Variants in BRD2 observed in about 807,000 individuals in gnomAD.
BRD2 encodes bromodomain containing 2.
In BRD2, 15 loss-of-function variants were observed where a neutral mutation model predicts 79.1. That is an observed-to-expected ratio of 0.19 (90% CI 0.13 to 0.29). The LOEUF (loss-of-function observed/expected upper bound fraction) is 0.29, where lower values mean the gene tolerates loss of function less well. BRD2 is among the 10% of genes least tolerant of loss of function. BRD2 has a pLI of 1.00. For missense variants in BRD2, 1,053 were observed against 991.3 expected (o/e 1.06, Z -0.84); for synonymous variants, 488 against 358.6 (o/e 1.36, Z -4.08).
At chr6:32,975,994 T>A in intron 4 of BRD2, 37 bp from the exon 5 acceptor site, 2 of 1,571,764 alleles carry the variant, frequency 1.3e-6, no homozygotes, top group East Asian at 2.2e-5. Context: ...CTGTTGGCAT[T>A]TTTTAACTTT....
Position 32,972,633 on chromosome 6 carries a change from C to T in BRD2, c.-266C>T, listed in dbSNP as rs990321224. 36 of 591,024 alleles carry T rather than the reference C, an allele frequency of 6.1e-5. No homozygotes were observed. The Admixed American group carries it at 6.3e-4, about 10-fold the overall frequency. 36.6% of individuals were successfully genotyped at this position (591,024 alleles called of 1,614,324 possible). On this transcript the variant is annotated 5_prime_UTR_variant, in exon 2 of 13. Coordinates refer to ENST00000374825, the MANE Select transcript of BRD2 (RefSeq NM_005104.4). ...GGGGACCGTCTTTTGAAGAGTCAGT[C>T]CCTCCTTAGTTGCCCGCCTCAGCTG...
rs201469274 is a variant in BRD2 at position 32,978,030 on chromosome 6, T to C, written c.1578+25T>C. 1.9e-6 allele frequency: 3 copies of C among 1,606,806 alleles called. No homozygotes were observed. The Admixed American group carries it at 5.0e-5, about 27-fold the overall frequency. On this transcript the variant is annotated intron_variant, in intron 9 of 12. Transcript: ENST00000374825. ...GGTATTTTGTCACTCTTGAAAGTTT[T>C]TATTGGGTAAGAGGTTCATGCCCTT...
In BRD2 at chr6:32,977,528, T is replaced by C. The variant is rs1360464913; in HGVS notation, c.1287T>C (p.Asn429=). ...TGTTCTCCAACTGCTATAAGTACAA[T>C]CCCCCAGATCACGATGTTGTGGCAA... ...RLMFSNCYKY[N]PPDHDVVAMA... Residue 429 remains asparagine (N), a synonymous_variant, in exon 8 of 13, where the codon AAT becomes AAC. Transcript: ENST00000374825. 6.2e-7 allele frequency: 1 copy of C among 1,613,746 alleles called. No individual in the cohort carries two copies.
chr6:32,972,628 TC>T lies in BRD2; in HGVS notation c.-270del. 1.7e-6 allele frequency: 1 copy of T among 580,918 alleles called. No homozygotes were observed. The highest frequency in any genetic ancestry group is 3.1e-5 in the Admixed American group (1 of 32,590). The allele number at this position is 580,918 out of a possible 1,614,324, so 36.0% of individuals were successfully genotyped here. On this transcript the variant is annotated 5_prime_UTR_variant, in exon 2 of 13. Transcript: ENST00000374825. ...AGATCGGGGACCGTCTTTTGAAGAG[TC>T]AGTCCCTCCTTAGTTGCCCGCCTCA...
rs2127526832 is a variant in BRD2 at position 32,979,977 on chromosome 6, G to A, written c.1991G>A (p.Arg664Gln). 1.2e-6 allele frequency: 2 copies of A among 1,613,186 alleles called. No homozygotes were observed. Among genetic ancestry groups the A allele is most frequent in the Non-Finnish European group, 1.7e-6 (2 of 1,180,036 alleles). ...INKLPGEKLG[R>Q]VVHIIQAREP... ...AAATTACCTGGGGAGAAGCTGGGCC[G>A]AGTTGTGCATATAATCCAAGCCAGG... The change falls in exon 11 of 13, where the codon CGA (arginine) becomes CAA (glutamine). Residue 664 changes from arginine to glutamine, a missense_variant. Arg to Gln is a conservative substitution (Grantham distance 43). This residue lies in a region of BRD2 where 44 missense variants were observed against 73.7 expected (regional missense o/e 0.60). Coordinates refer to ENST00000374825, the MANE Select transcript of BRD2 (RefSeq NM_005104.4).
Position 32,976,637 on chromosome 6 carries a change from A to C in BRD2, c.901A>C (p.Ser301Arg). ...TAILAPGSPA[S>R]PPGSLEPKAA... ...CATCTTGGCTCCTGGTTCTCCAGCT[A>C]GCCCTCCTGGGAGTCTTGAGCCTAA... Residue 301 changes from serine (S) to arginine (R), a missense_variant, in exon 7 of 13, where the codon AGC (serine) becomes CGC (arginine). Physicochemically the swap from Ser to Arg is moderately radical, Grantham distance 110 (BLOSUM62 -1). This residue lies in a region of BRD2 where 454 missense variants were observed against 430.5 expected (regional missense o/e 1.05). Coordinates refer to ENST00000374825, the MANE Select transcript of BRD2 (RefSeq NM_005104.4). The C allele has an allele frequency of 6.2e-7, 1 of 1,612,264 alleles. No individual in the cohort carries two copies. The highest frequency in any genetic ancestry group is 1.1e-5 in the South Asian group (1 of 91,086).
In BRD2 at chr6:32,974,537, AC is replaced by A; in HGVS notation, c.108del (p.Ser37LeufsTer49). On this transcript the variant is annotated frameshift_variant, in exon 3 of 13. Coordinates refer to ENST00000374825, the MANE Select transcript of BRD2 (RefSeq NM_005104.4). LOFTEE classifies it high-confidence loss of function. The stretch of plus-strand genomic sequence containing the variant: ...CAGCACCAGGGAAGAGGATTCGAAA[AC>A]CCTCTCTCTTGTATGAGGGCTTTGA... ...AAAPGKRIRKPSLLYEGFESP... is the reference protein window; with the variant it reads ...AAAPGKRIRKXSLLYEGFESP... The A allele has an allele frequency of 6.2e-7, 1 of 1,613,926 alleles. No homozygotes were observed. The highest frequency in any genetic ancestry group is 8.5e-7 in the Non-Finnish European group (1 of 1,179,950).
rs17220465 is a variant in BRD2 at position 32,972,704 on chromosome 6, A to G, written c.-195A>G. On this transcript the variant is annotated 5_prime_UTR_variant, in exon 2 of 13. Coordinates refer to ENST00000374825, the MANE Select transcript of BRD2 (RefSeq NM_005104.4). Reference sequence around the variant, plus strand: ...CTGTCCGCCGTCTGCAGAGCGCGCCAAGCTGCCCGGAGCTCTCCGAGAGGC... The same window carrying G: ...CTGTCCGCCGTCTGCAGAGCGCGCCGAGCTGCCCGGAGCTCTCCGAGAGGC... 251 of 765,108 alleles carry G rather than the reference A, an allele frequency of 3.3e-4. No homozygotes were observed. Among genetic ancestry groups the G allele is most frequent in the Non-Finnish European group, 4.6e-4 (221 of 481,104 alleles). The allele number at this position is 765,108 out of a possible 1,614,324, so 47.4% of individuals were successfully genotyped here.
Position 32,981,027 on chromosome 6 carries a change from C to T in BRD2, c.*309C>T, listed in dbSNP as rs1049526. The T allele has an allele frequency of 0.92, 338,383 of 367,148 alleles. 156,452 individuals carry two copies. The highest frequency in any genetic ancestry group is 0.98 in the Middle Eastern group (1,249 of 1,272). The allele number at this position is 367,148 out of a possible 1,614,324, so 22.7% of individuals were successfully genotyped here. Reference sequence around the variant, plus strand: ...CCTGATCTGGAGTTACCTGAGGCCACAGCTGCCCTATTCACTTCTAAGGGC... The same window carrying T: ...CCTGATCTGGAGTTACCTGAGGCCATAGCTGCCCTATTCACTTCTAAGGGC... On this transcript the variant is annotated 3_prime_UTR_variant, in exon 13 of 13. Transcript: ENST00000374825.
In BRD2 at chr6:32,979,853, G is replaced by T; in HGVS notation, c.1867G>T (p.Ala623Ser). The change falls in exon 11 of 13, where the codon GCC (alanine) becomes TCC (serine). Residue 623 changes from alanine (A) to serine (S), a missense_variant. Around this residue, in one of 5 missense-constraint regions of BRD2, gnomAD observed 454 missense variants for 430.5 expected, o/e 1.05. Coordinates refer to ENST00000374825, the MANE Select transcript of BRD2 (RefSeq NM_005104.4). ...GCTCCCCAAAAAGGCCACAAAGACA[G>T]CCCCACCTGCCCTGCCTACAGGTTA... The part of the protein sequence containing the change: ...TKLPKKATKT[A>S]PPALPTGYDS... 6.2e-7 allele frequency: 1 copy of T among 1,612,518 alleles called. No homozygotes were observed. The highest frequency in any genetic ancestry group is 8.5e-7 in the Non-Finnish European group (1 of 1,179,684).
Position 32,972,257 on chromosome 6 carries a change from T to G in BRD2, c.-642T>G. ...CGAGCTGGAGGATTCTGCCTACCGA[T>G]ACAGAGCCTTCGAGTCGTCCGGGGC... On this transcript the variant is annotated 5_prime_UTR_variant, in exon 2 of 13. Coordinates refer to ENST00000374825, the MANE Select transcript of BRD2 (RefSeq NM_005104.4). 4.4e-6 allele frequency: 2 copies of G among 451,430 alleles called. No individual in the cohort carries two copies. Among genetic ancestry groups the G allele is most frequent in the Non-Finnish European group, 4.1e-6 (1 of 242,252 alleles). The allele number at this position is 451,430 out of a possible 1,614,324, so 28.0% of individuals were successfully genotyped here.
At position 32,977,452 on chromosome 6, in the gene BRD2, A is replaced by G. The variant is rs2127519079; in HGVS notation, c.1211A>G (p.Glu404Gly). 1.2e-6 allele frequency: 2 copies of G among 1,613,932 alleles called. No homozygotes were observed. The highest frequency in any genetic ancestry group is 1.7e-6 in the Non-Finnish European group (2 of 1,180,032). ...TGCCTCCTTCTGCAGCGGAAGATGG[A>G]GAACCGTGATTACCGGGATGCACAG... ...MDLSTVKRKMENRDYRDAQEF... is the reference protein window; with the variant it reads ...MDLSTVKRKMGNRDYRDAQEF... The change falls in exon 8 of 13, where the codon GAG becomes GGG. Residue 404 changes from glutamate to glycine, a missense_variant. Physicochemically the swap from Glu to Gly is moderately conservative, Grantham distance 98. Transcript: ENST00000374825.
Position 32,975,374 on chromosome 6 carries a change from T to A in BRD2, c.334-10T>A, listed in dbSNP as rs635688. On this transcript the variant is annotated splice_polypyrimidine_tract_variant and intron_variant, in intron 3 of 12. Transcript: ENST00000374825. ...TTTCTGTGGTTCTGACCTAACATTTTTTTATTTAGGATTATCACAAAATTA... is the reference window on the plus strand; with the variant it reads ...TTTCTGTGGTTCTGACCTAACATTTATTTATTTAGGATTATCACAAAATTA... 1 of 1,597,706 alleles carries A rather than the reference T, an allele frequency of 6.3e-7. No individual in the cohort carries two copies. The highest frequency in any genetic ancestry group is 8.5e-7 in the Non-Finnish European group (1 of 1,169,618).
rs770551308 is a variant in BRD2, at chr6:32,977,248, TTC to T, written c.1201-192_1201-191del. The T allele has an allele frequency of 1.5e-5, 23 of 1,538,664 alleles. No individual in the cohort carries two copies. The African/African-American group carries it at 2.6e-4, about 17-fold the overall frequency. On this transcript the variant is annotated intron_variant, in intron 7 of 12. Transcript: ENST00000374825. The stretch of plus-strand genomic sequence containing the variant: ...CACCTCTCTGTCACTTAGAAATGAT[TTC>T]TTTTTCTAGACATAAATATTTCTTC...
intron 1 of BRD2, chr6:32,971,340 G>A: frequency 5.4e-6 from 2 of 367,714 alleles, no homozygotes; most frequent in Non-Finnish European, 9.7e-6. Flanking sequence ...AAAGGTGCTT[G>A]GACGTGCAAA....
At position 32,976,628 on chromosome 6, in the gene BRD2, T is replaced by G. The variant is rs1202765757; in HGVS notation, c.892T>G (p.Ser298Ala). ...PTPTAILAPG[S>A]PASPPGSLEP... is the part of the protein sequence containing the mutation. ...ACCTACAGCCATCTTGGCTCCTGGT[T>G]CTCCAGCTAGCCCTCCTGGGAGTCT... Residue 298 changes from serine (S) to alanine (A), a missense_variant, in exon 7 of 13, where the codon TCT becomes GCT. Around this residue, in one of 5 missense-constraint regions of BRD2, gnomAD observed 454 missense variants for 430.5 expected, o/e 1.05. Coordinates refer to ENST00000374825, the MANE Select transcript of BRD2 (RefSeq NM_005104.4). 6.2e-7 allele frequency: 1 copy of G among 1,611,764 alleles called. No individual in the cohort carries two copies. The highest frequency in any genetic ancestry group is 8.5e-7 in the Non-Finnish European group (1 of 1,179,718).
At chr6:32,969,293 G>T in intron 1 of BRD2, 1 of 713,788 alleles carries the variant, frequency 1.4e-6, no homozygotes. Flanking sequence ...AAGGGGTTAG[G>T]GGGCGGTGTG....
intron 3 of BRD2, 68 bp from the exon 4 acceptor site, chr6:32,975,314 GTC>G: frequency 7.8e-7 from 1 of 1,287,536 alleles, no homozygotes; most frequent in East Asian, 2.5e-5. Context: ...GTGTGTGAGA[GTC>G]GGGGATCGGT....
intron 10 of BRD2, 200 bp from the exon 11 acceptor site, chr6:32,979,628 T>C (rs904098594): frequency 1.8e-5 from 10 of 564,722 alleles, no homozygotes; most frequent in Admixed American, 1.4e-4. Context: ...TTTAAAGACA[T>C]GTTATTGCCT....
Sources: allele counts gnomAD v4.1 joint callset, GRCh38; gene constraint gnomAD v4.1.1; regional missense constraint gnomAD v4.1.1; transcripts MANE v1.5; gene names NCBI Gene and HGNC (gene_info 2026-07-23, HGNC 2026-07-21).